PRKG1: variants seen among roughly 807,000 people sequenced by gnomAD.
PRKG1 encodes protein kinase cGMP-dependent 1.
Under a neutral mutation model 88.1 loss-of-function variants are expected in PRKG1, and 35 were observed. The ratio of observed to expected loss-of-function variants is 0.40; its 90% confidence interval spans 0.30 to 0.53. The LOEUF (loss-of-function observed/expected upper bound fraction) is 0.53. PRKG1 is among the 20% of genes least tolerant of loss of function. The pLI, the probability that PRKG1 is intolerant of heterozygous loss-of-function variation, is 0.59. For synonymous variants in PRKG1, 303 were observed against 292.5 expected (o/e 1.04, Z -0.37); for missense variants, 540 against 839.8 (o/e 0.64, Z 4.41).
At chr10:52,237,809 G>GA (rs1444644122) in intron 9 of PRKG1, among the ~76,000 whole-genome samples, 5 of 137,578 alleles carry the variant, frequency 3.6e-5, no homozygotes, top group Non-Finnish European at 6.2e-5. Flanking sequence ...CACAGAATTG[G>GA]AAAAAACTAC....
chr10:52,240,209 C>T (rs559416080), intron 9 of PRKG1, among the ~76,000 whole-genome samples: 1 of 152,116 alleles, frequency 6.6e-6, no homozygotes, highest in Non-Finnish European at 1.5e-5. Flanking sequence ...AGTGATCAGT[C>T]GTATCAATAA....
chr10:51,646,931 G>T (rs1232745758), intron 3 of PRKG1, among the ~76,000 whole-genome samples: 1 of 152,002 alleles, frequency 6.6e-6, no homozygotes, highest in African/African-American at 2.4e-5. Context: ...TCTACTAGAA[G>T]CTCATTCCTT....
At chr10:51,097,977 A>C (rs1285414679) in intron 1 of PRKG1, among the ~76,000 whole-genome samples, 1 of 152,178 alleles carries the variant, frequency 6.6e-6, no homozygotes, top group Non-Finnish European at 1.5e-5. Context: ...TTTCGTGGGA[A>C]GTATCACGGA....
intron 2 of PRKG1, among the ~76,000 whole-genome samples, chr10:51,159,395 C>A (rs1424855091): frequency 5.9e-5 from 9 of 151,966 alleles, no homozygotes; most frequent in African/African-American, 2.2e-4. Context: ...TCGTGTTAAT[C>A]CAAAAGCTAT....
chr10:51,358,351 G>A (rs2132581051), intron 2 of PRKG1, among the ~76,000 whole-genome samples: 1 of 151,954 alleles, frequency 6.6e-6, no homozygotes. Flanking sequence ...ATATTCTACT[G>A]ATTGAAGCAA....
At chr10:51,292,477 C>T (rs1374116197) in intron 2 of PRKG1, among the ~76,000 whole-genome samples, 1 of 152,084 alleles carries the variant, frequency 6.6e-6, no homozygotes, top group Non-Finnish European at 1.5e-5. Context: ...GAACTATTCA[C>T]CTCATTGCTA....
At chr10:51,910,415 T>A (rs1208572220) in intron 5 of PRKG1, 11 of 152,156 alleles carry the variant, frequency 7.2e-5, no homozygotes, top group Non-Finnish European at 1.3e-4. Flanking sequence ...TCCAAGGTCC[T>A]TGAGAAGGAC....
At chr10:51,421,493 A>C (rs573608030) in intron 2 of PRKG1, among the ~76,000 whole-genome samples, 1 of 152,160 alleles carries the variant, frequency 6.6e-6, no homozygotes, top group African/African-American at 2.4e-5. Flanking sequence ...TACCTTTTAG[A>C]TAGGTCATAA....
intron 5 of PRKG1, among the ~76,000 whole-genome samples, chr10:52,036,294 A>G (rs1336581355): frequency 6.6e-6 from 1 of 151,960 alleles, no homozygotes; most frequent in African/African-American, 2.4e-5. Context: ...GGTACTGAGG[A>G]TAGGAGAGTA....
At chr10:51,928,547 T>C (rs935752515) in intron 5 of PRKG1, among the ~76,000 whole-genome samples, 1 of 152,212 alleles carries the variant, frequency 6.6e-6, no homozygotes, top group Admixed American at 6.5e-5. Flanking sequence ...ACTTTTAGTG[T>C]GCTGATAATT....
At chr10:52,251,090 C>T (rs372206716) in intron 9 of PRKG1, among the ~76,000 whole-genome samples, 6 of 152,038 alleles carry the variant, frequency 3.9e-5, no homozygotes, top group East Asian at 1.9e-4. Context: ...CAGAGACCTC[C>T]GTGATCTTGC....
chr10:51,842,693 GTA>G (rs1364324177), intron 4 of PRKG1, among the ~76,000 whole-genome samples: 2 of 152,010 alleles, frequency 1.3e-5, no homozygotes, highest in Admixed American at 1.3e-4. Flanking sequence ...TACTATATGT[GTA>G]TATGTATATT....
chr10:51,807,234 A>G (rs1839330683), intron 4 of PRKG1, among the ~76,000 whole-genome samples: 1 of 152,190 alleles, frequency 6.6e-6, no homozygotes, highest in South Asian at 2.1e-4. Flanking sequence ...GAAGAATGAA[A>G]ATGCAGGACC....
chr10:51,753,753 T>C (rs1473219985), intron 3 of PRKG1, among the ~76,000 whole-genome samples: 1 of 152,244 alleles, frequency 6.6e-6, no homozygotes, highest in Non-Finnish European at 1.5e-5. Flanking sequence ...AGGTTGACTC[T>C]GCTTCAATTT....
intron 3 of PRKG1, among the ~76,000 whole-genome samples, chr10:51,757,787 A>G (rs987560111): frequency 1.3e-5 from 2 of 152,254 alleles, no homozygotes; most frequent in African/African-American, 4.8e-5. Flanking sequence ...TAAAAAAATT[A>G]CAATTAATTT....
At chr10:51,161,594 A>T (rs1846364525) in intron 2 of PRKG1, among the ~76,000 whole-genome samples, 1 of 152,168 alleles carries the variant, frequency 6.6e-6, no homozygotes, top group African/African-American at 2.4e-5. Flanking sequence ...TTGTTTTGAG[A>T]TGATGGTTGA....
intron 1 of PRKG1, among the ~76,000 whole-genome samples, chr10:51,080,069 T>A (rs2131848384): frequency 6.6e-6 from 1 of 152,348 alleles, no homozygotes; most frequent in Admixed American, 6.5e-5. Flanking sequence ...CCTAATGTTA[T>A]TCTAATAGAG....
chr10:51,003,360 C>T (rs1042495054), intron 1 of PRKG1, among the ~76,000 whole-genome samples: 3 of 152,294 alleles, frequency 2.0e-5, no homozygotes, highest in South Asian at 4.1e-4. Context: ...TGAAATCCCC[C>T]GGTTACCCAG....
chr10:51,919,673 C>T (rs902755527), intron 5 of PRKG1, among the ~76,000 whole-genome samples: 8 of 145,246 alleles, frequency 5.5e-5, no homozygotes, highest in African/African-American at 1.7e-4. Flanking sequence ...AACAGCCCCC[C>T]ACCTTTTTTT....
Sources: allele counts gnomAD v4.1 joint callset (sites outside exome capture counted in the v4.1 genomes callset), GRCh38; gene constraint gnomAD v4.1.1; transcripts MANE v1.5; gene names NCBI Gene and HGNC (gene_info 2026-07-23, HGNC 2026-07-21).